GRK4: variants seen among roughly 807,000 people sequenced by gnomAD.
GRK4 encodes G protein-coupled receptor kinase 4, also known as G protein-coupled receptor kinase 2-like.
Under a neutral mutation model 77.9 loss-of-function variants are expected in GRK4, and 73 were observed. That is an observed-to-expected ratio of 0.94 (90% CI 0.78 to 1.14). GRK4 has a LOEUF of 1.14. Ranked by LOEUF, GRK4 falls within the 50% of genes most tolerant of loss-of-function variation. GRK4 has a pLI of 0.00. For synonymous variants in GRK4, 257 were observed against 254.4 expected (o/e 1.01, Z -0.10); for missense variants, 729 against 700.2 (o/e 1.04, Z -0.46).
chr4:2,991,922 A>T (rs2109675737), intron 3 of GRK4, among the ~76,000 whole-genome samples: 1 of 152,260 alleles, frequency 6.6e-6, no homozygotes, highest in South Asian at 2.1e-4. Flanking sequence ...TCCGCCTCAT[A>T]CACCTTACTT....
chr4:3,015,195 A>C (rs970883352), intron 8 of GRK4, among the ~76,000 whole-genome samples: 1 of 152,116 alleles, frequency 6.6e-6, no homozygotes, highest in Non-Finnish European at 1.5e-5. Flanking sequence ...CTCTCTACCT[A>C]ATTACATATG....
intron 1 of GRK4, among the ~76,000 whole-genome samples, chr4:2,979,173 C>T (rs1341592950): frequency 7.3e-5 from 11 of 150,480 alleles, no homozygotes; most frequent in African/African-American, 2.7e-4. Context: ...TGCAGTGAGC[C>T]GAGATCGCGC....
At chr4:2,974,973 A>G (rs1251384806) in intron 1 of GRK4, among the ~76,000 whole-genome samples, 3 of 152,206 alleles carry the variant, frequency 2.0e-5, no homozygotes, top group African/African-American at 7.2e-5. Flanking sequence ...ATCCATGCAC[A>G]GCCTTCTTCC....
At chr4:2,966,663 A>C (rs992614193) in intron 1 of GRK4, 4 of 152,178 alleles carry the variant, frequency 2.6e-5, no homozygotes, top group Non-Finnish European at 5.9e-5. Flanking sequence ...TTGTTACTTT[A>C]AAGTATCTCC....
In GRK4 at chr4:3,028,923, C is replaced by T. The variant is rs552112546; in HGVS notation, c.1061-278C>T. Among the ~76,000 whole-genome samples, 8 of 152,278 alleles carry T rather than the reference C, an allele frequency of 5.3e-5. No homozygotes were observed. The South Asian group carries it at 6.2e-4, about 12-fold the overall frequency. On this transcript the variant is annotated intron_variant, in intron 11 of 15. Coordinates refer to ENST00000398052, the MANE Select transcript of GRK4 (RefSeq NM_182982.3). ...AGTATCTGGAACTACAGGCGCCTGCCGCCATACCTGGCTAATTTTTGTATT... is the reference window on the plus strand; with the variant it reads ...AGTATCTGGAACTACAGGCGCCTGCTGCCATACCTGGCTAATTTTTGTATT...
intron 10 of GRK4, among the ~76,000 whole-genome samples, chr4:3,025,638 C>T (rs1461826917): frequency 2.6e-5 from 4 of 151,926 alleles, no homozygotes; most frequent in Non-Finnish European, 4.4e-5. Context: ...GTGATCCGCC[C>T]GCCTCGGCCT....
In GRK4 at chr4:3,009,630, G is replaced by A; in HGVS notation, c.537-18G>A. Reference sequence around the variant, plus strand: ...CAATGCAATGTGAGACCTGAAACTTGTTTTTCTCATTGATTAGGCAACCCG... The same window carrying A: ...CAATGCAATGTGAGACCTGAAACTTATTTTTCTCATTGATTAGGCAACCCG... On this transcript the variant is annotated intron_variant, in intron 6 of 15. Coordinates refer to ENST00000398052, the MANE Select transcript of GRK4 (RefSeq NM_182982.3). The A allele has an allele frequency of 6.2e-7, 1 of 1,605,306 alleles. No homozygotes were observed. The highest frequency in any genetic ancestry group is 8.5e-7 in the Non-Finnish European group (1 of 1,172,488).
chr4:3,021,983 A>G (rs1188426760), intron 9 of GRK4, among the ~76,000 whole-genome samples: 1 of 152,212 alleles, frequency 6.6e-6, no homozygotes, highest in Non-Finnish European at 1.5e-5. Context: ...TCCCAGTGAC[A>G]TTCCCACCTC....
intron 1 of GRK4, among the ~76,000 whole-genome samples, chr4:2,967,558 C>T (rs1486436685): frequency 3.3e-5 from 5 of 151,854 alleles, no homozygotes; most frequent in East Asian, 2.0e-4. Context: ...CCACCATTCC[C>T]GGCTAATTTT....
chr4:2,965,889 G>T (rs1717503756), intron 1 of GRK4: 2 of 196,206 alleles, frequency 1.0e-5, no homozygotes, highest in East Asian at 1.2e-4. Context: ...ACTCCAAATA[G>T]GTCATGGAAA....
intron 9 of GRK4, among the ~76,000 whole-genome samples, chr4:3,021,708 T>C (rs1202251268): frequency 1.3e-5 from 2 of 152,192 alleles, no homozygotes; most frequent in Non-Finnish European, 2.9e-5. Context: ...AACACACCCA[T>C]AGGAGATTTG....
At chr4:3,021,794 C>T (rs1736160523) in intron 9 of GRK4, among the ~76,000 whole-genome samples, 1 of 152,206 alleles carries the variant, frequency 6.6e-6, no homozygotes, top group Admixed American at 6.5e-5. Flanking sequence ...GTTTCAGTCT[C>T]AAGATGAGCT....
intron 1 of GRK4, among the ~76,000 whole-genome samples, chr4:2,974,488 C>A (rs1158725803): frequency 6.6e-6 from 1 of 152,162 alleles, no homozygotes. Context: ...CAGTTTCACT[C>A]AAAAACGGTT....
intron 4 of GRK4, among the ~76,000 whole-genome samples, chr4:3,000,590 C>A (rs1030199160): frequency 1.4e-5 from 2 of 143,038 alleles, no homozygotes; most frequent in Non-Finnish European, 3.0e-5. Context: ...TTTTTTGAAA[C>A]AGTCTTGCTC....
At chr4:2,971,488 G>C (rs1719525112) in intron 1 of GRK4, among the ~76,000 whole-genome samples, 1 of 152,170 alleles carries the variant, frequency 6.6e-6, no homozygotes, top group Admixed American at 6.6e-5. Context: ...ATGAATGAAT[G>C]AATAAGGATG....
chr4:3,021,607 T>C (rs1736112404), intron 9 of GRK4, among the ~76,000 whole-genome samples: 1 of 152,216 alleles, frequency 6.6e-6, no homozygotes, highest in African/African-American at 2.4e-5. Flanking sequence ...GCCCTGGCTA[T>C]GAGTCCTCTA....
rs773383499 is a variant in GRK4 at position 3,038,526 on chromosome 4, A to G, written c.1683+13A>G. On this transcript the variant is annotated intron_variant, in intron 15 of 15. Coordinates refer to ENST00000398052, the MANE Select transcript of GRK4 (RefSeq NM_182982.3). ...CTTCAGAAGAGGGGTAAAAAGACTTAAAAACTAATATATGTGTGTGTATGT... is the reference window on the plus strand; with the variant it reads ...CTTCAGAAGAGGGGTAAAAAGACTTGAAAACTAATATATGTGTGTGTATGT... The G allele has an allele frequency of 1.2e-5, 19 of 1,603,766 alleles. No homozygotes were observed. The highest frequency in any genetic ancestry group is 1.6e-5 in the Non-Finnish European group (19 of 1,177,216).
At chr4:2,997,380 C>T (rs1038991827) in intron 4 of GRK4, among the ~76,000 whole-genome samples, 3 of 152,108 alleles carry the variant, frequency 2.0e-5, no homozygotes, top group Non-Finnish European at 4.4e-5. Flanking sequence ...ATCCACACCC[C>T]TTCGTGATAA....
chr4:3,020,134 G>A (rs1735658584), intron 9 of GRK4, among the ~76,000 whole-genome samples: 1 of 152,110 alleles, frequency 6.6e-6, no homozygotes, highest in Admixed American at 6.6e-5. Context: ...CTCCCAAGTA[G>A]CTGGGACTAC....
Sources: gnomAD v4.1 joint callset for allele counts (sites outside exome capture counted in the v4.1 genomes callset) on GRCh38, gnomAD v4.1.1 for gene constraint, MANE v1.5 for transcripts, NCBI Gene and HGNC (gene_info 2026-07-23, HGNC 2026-07-21) for gene names.